Variants in SLC39A12 observed in about 807,000 individuals in gnomAD.
SLC39A12 encodes the protein zinc transporter ZIP12.
A neutral mutation model predicts 71.1 loss-of-function variants in SLC39A12; 63 were observed. That is an observed-to-expected ratio of 0.89 (90% CI 0.72 to 1.09). The LOEUF (loss-of-function observed/expected upper bound fraction) is 1.09. Among genes scored for constraint, SLC39A12 ranks in the 50% least tolerant of loss-of-function variants. The pLI is 0.00. For synonymous variants in SLC39A12, 351 were observed against 301.3 expected, an observed-to-expected ratio of 1.16 and a Z score of -1.71; for missense variants, 892 against 812.6, an observed-to-expected ratio of 1.10 and a Z score of -1.19.
chr10:18,034,818 C>T (rs1358619936), intron 12 of SLC39A12, among the ~76,000 whole-genome samples: 1 of 149,234 alleles, frequency 6.7e-6, no homozygotes, highest in Non-Finnish European at 1.5e-5. Flanking sequence ...GCGCTTCCTT[C>T]AGGAGCTCTT....
At chr10:18,008,046 T>A (rs1007501630) in intron 12 of SLC39A12, among the ~76,000 whole-genome samples, 9 of 152,214 alleles carry the variant, frequency 5.9e-5, no homozygotes, top group African/African-American at 2.2e-4. Flanking sequence ...TCACTGTTGG[T>A]TGATCCACTA....
At chr10:17,993,384 A>C in intron 9 of SLC39A12, 93 bp downstream of exon 9, 3 of 877,536 alleles carry the variant, frequency 3.4e-6, no homozygotes, top group Non-Finnish European at 5.4e-6. Context: ...GTAGATAAAC[A>C]GATTTCATAC....
chr10:18,008,191 C>T (rs903055828), intron 12 of SLC39A12, among the ~76,000 whole-genome samples: 4 of 152,152 alleles, frequency 2.6e-5, no homozygotes, highest in Non-Finnish European at 5.9e-5. Flanking sequence ...GGTGAGCAAG[C>T]GAAGCTTCAT....
chr10:18,014,757 C>G (rs1230064018), intron 12 of SLC39A12, among the ~76,000 whole-genome samples: 1 of 152,136 alleles, frequency 6.6e-6, no homozygotes, highest in Non-Finnish European at 1.5e-5. Flanking sequence ...ACTAGAGCAA[C>G]TTTTCTGGTA....
rs1203701805 is a variant in SLC39A12, at chr10:18,027,596, T to C, written c.1948-15109T>C. Among the ~76,000 whole-genome samples the C allele has an allele frequency of 3.9e-5, 6 of 152,216 alleles. No individual in the cohort carries two copies. In the East Asian group the frequency reaches 9.6e-4, roughly 24 times the overall value. ...GGCTGAGCTTTCAGCAATTCATTCA[T>C]TGCAGTCAGATTTTCTTAACCTTCC... is the stretch of plus-strand genomic sequence containing the variant. On this transcript the variant is annotated intron_variant, in intron 12 of 12. Coordinates refer to ENST00000377369, the MANE Select transcript of SLC39A12 (RefSeq NM_001145195.2).
At chr10:18,013,281 A>G (rs1313995643) in intron 12 of SLC39A12, among the ~76,000 whole-genome samples, 1 of 150,828 alleles carries the variant, frequency 6.6e-6, no homozygotes, top group African/African-American at 2.4e-5. Flanking sequence ...TTTAGCTATC[A>G]TGTTTGGGTC....
intron 10 of SLC39A12, among the ~76,000 whole-genome samples, chr10:17,996,687 G>A (rs567133725): frequency 1.4e-4 from 21 of 152,272 alleles, no homozygotes; most frequent in Admixed American, 1.3e-3. Context: ...CAGCTCTAGC[G>A]CTGGGGAACT....
At chr10:17,977,751 G>T (rs74118069) in intron 4 of SLC39A12, 151 bp from the exon 5 acceptor site, 2 of 541,036 alleles carry the variant, frequency 3.7e-6, no homozygotes, top group Non-Finnish European at 6.1e-6. Flanking sequence ...AGGCATTTTC[G>T]TGGGTGGAAA....
At position 18,004,272 on chromosome 10, in the gene SLC39A12, G is replaced by A. The variant is rs547478718; in HGVS notation, c.1947+914G>A. The A allele has an allele frequency of 4.6e-5, 7 of 152,290 alleles. No individual in the cohort carries two copies. In the East Asian group the frequency reaches 1.2e-3, roughly 25 times the overall value. The allele number at this position is 152,290 out of a possible 1,614,324, so 9.4% of individuals were successfully genotyped here. A position where few individuals can be genotyped will look rare whatever the true frequency, so the allele number is the denominator to read the frequency against. Reference sequence around the variant, plus strand: ...TTAATTAACAAAAGAGGTACTTAAGGCTGAAATCAGGCTGTGTAAAAGTCA... The same window carrying A: ...TTAATTAACAAAAGAGGTACTTAAGACTGAAATCAGGCTGTGTAAAAGTCA... On this transcript the variant is annotated intron_variant, in intron 12 of 12. Coordinates refer to ENST00000377369, the MANE Select transcript of SLC39A12 (RefSeq NM_001145195.2).
At chr10:18,035,604 T>A (rs541860792) in intron 12 of SLC39A12, among the ~76,000 whole-genome samples, 1 of 152,298 alleles carries the variant, frequency 6.6e-6, no homozygotes, top group East Asian at 1.9e-4. Flanking sequence ...TGTCCTCCCA[T>A]AGCTCAGAGT....
chr10:18,040,402 A>C (rs990988911), intron 12 of SLC39A12, among the ~76,000 whole-genome samples: 1 of 152,138 alleles, frequency 6.6e-6, no homozygotes, highest in Non-Finnish European at 1.5e-5. Flanking sequence ...CCCTCATGCC[A>C]TTGAAATAAC....
In SLC39A12 at chr10:18,042,867, T is replaced by C. The variant is rs1190950710; in HGVS notation, c.*34T>C. ...CTTCAACATCTTTCAAAAATGCATT[T>C]ATATAGTCTTACTTTGTTTCTTTCA... is the stretch of plus-strand genomic sequence containing the variant. On this transcript the variant is annotated 3_prime_UTR_variant, in exon 13 of 13. Transcript: ENST00000377369. 2 of 1,570,252 alleles carry C rather than the reference T, an allele frequency of 1.3e-6. No homozygotes were observed. The highest frequency in any genetic ancestry group is 1.7e-6 in the Non-Finnish European group (2 of 1,155,400).
chr10:17,954,376 C>T (rs1157103042), intron 2 of SLC39A12, among the ~76,000 whole-genome samples: 3 of 152,130 alleles, frequency 2.0e-5, no homozygotes, highest in Admixed American at 6.5e-5. Flanking sequence ...GCCTCAGCCT[C>T]CCAAGTAGCT....
At chr10:18,022,875 C>T (rs954245385) in intron 12 of SLC39A12, among the ~76,000 whole-genome samples, 2 of 152,098 alleles carry the variant, frequency 1.3e-5, no homozygotes, top group African/African-American at 4.8e-5. Context: ...AATTCTAGTC[C>T]CTGGTTTCAC....
Position 18,039,628 on chromosome 10 carries a change from T to C in SLC39A12, c.1948-3077T>C, listed in dbSNP as rs145111833. Among the ~76,000 whole-genome samples the C allele has an allele frequency of 7.0e-3, 1,064 of 152,150 alleles. 10 individuals are homozygous for C. The highest frequency in any genetic ancestry group is 0.024 in the African/African-American group (983 of 41,490). On this transcript the variant is annotated intron_variant, in intron 12 of 12. Coordinates refer to ENST00000377369, the MANE Select transcript of SLC39A12 (RefSeq NM_001145195.2). ...CTGCAGTCTTAGCTACCCAGGAGGCTGAAGTGGGAGGATTGCTTGAGCCCA... is the reference window on the plus strand; with the variant it reads ...CTGCAGTCTTAGCTACCCAGGAGGCCGAAGTGGGAGGATTGCTTGAGCCCA...
intron 3 of SLC39A12, among the ~76,000 whole-genome samples, chr10:17,963,813 G>A (rs1000509268): frequency 1.3e-5 from 2 of 152,148 alleles, no homozygotes; most frequent in Non-Finnish European, 2.9e-5. Flanking sequence ...CACAGATCAA[G>A]TCACTAACGG....
rs569742959 is a variant in SLC39A12 at position 17,963,101 on chromosome 10, C to T, written c.543+1239C>T. Among the ~76,000 whole-genome samples, 5 of 151,878 alleles carry T rather than the reference C, an allele frequency of 3.3e-5. No individual in the cohort carries two copies. The East Asian group carries it at 9.7e-4, about 29-fold the overall frequency. Reference sequence around the variant, plus strand: ...GCTTGTGCCCAGGAGTTTGAGGTTACAGTGAACTATGACTGTGTCACTATA... The same window carrying T: ...GCTTGTGCCCAGGAGTTTGAGGTTATAGTGAACTATGACTGTGTCACTATA... On this transcript the variant is annotated intron_variant, in intron 3 of 12. Transcript: ENST00000377369.
intron 10 of SLC39A12, among the ~76,000 whole-genome samples, chr10:17,998,966 C>A (rs1215230248): frequency 6.7e-6 from 1 of 149,574 alleles, no homozygotes; most frequent in African/African-American, 2.4e-5. Context: ...TTATTGAGCA[C>A]AATTATTAGA....
At chr10:17,987,834 C>T (rs1174552691) in intron 7 of SLC39A12, among the ~76,000 whole-genome samples, 183 bp downstream of exon 7, 2 of 151,998 alleles carry the variant, frequency 1.3e-5, no homozygotes, top group African/African-American at 4.8e-5. Context: ...GAAGAGATGC[C>T]CCAACATTAG....
Sources: allele counts gnomAD v4.1 joint callset (sites outside exome capture counted in the v4.1 genomes callset), GRCh38; gene constraint gnomAD v4.1.1; transcripts MANE v1.5; gene names NCBI Gene and HGNC (gene_info 2026-07-23, HGNC 2026-07-21).